Variants in LRRC66 observed in about 807,000 individuals in gnomAD.
LRRC66 encodes the protein leucine-rich repeat-containing protein 66.
LRRC66 carries 29 observed loss-of-function variants against 24.6 expected under a neutral mutation model. The ratio of observed to expected loss-of-function variants is 1.18; its 90% CI spans 0.88 to 1.61. The LOEUF is 1.61. Ranked by LOEUF, LRRC66 falls within the 40% of genes most tolerant of loss-of-function variation. The pLI is 0.00. For synonymous variants in LRRC66, 411 were observed against 397.6 expected (o/e 1.03, Z -0.40); for missense variants, 1,124 against 1,058.0 (o/e 1.06, Z -0.87).
intron 2 of LRRC66, among the ~76,000 whole-genome samples, chr4:52,016,224 C>T (rs1330636707): frequency 1.3e-5 from 2 of 151,970 alleles, no homozygotes; most frequent in Non-Finnish European, 2.9e-5. Context: ...TAAAGCAAAG[C>T]TGGAGAAAGA....
At chr4:52,008,454 G>GTT (rs539733171) in intron 2 of LRRC66, among the ~76,000 whole-genome samples, 1 of 144,456 alleles carries the variant, frequency 6.9e-6, no homozygotes, top group East Asian at 2.0e-4. Context: ...GGGGAAAGCT[G>GTT]TTTTTTTTTT....
At position 52,017,250 on chromosome 4, in the gene LRRC66, G is replaced by A. The variant is rs868418571; in HGVS notation, c.364C>T (p.His122Tyr). The change falls in exon 2 of 5, where the codon CAC becomes TAC. Residue 122 changes from histidine (H) to tyrosine (Y), a missense_variant. His to Tyr is a moderately conservative substitution (Grantham distance 83). Transcript: ENST00000682860. ...EVLNLSNNAI[H>Y]SLSLDLLSPK... is the part of the protein sequence containing the mutation. ...CTGAGTAGATCCAATGAGAGGGAGT[G>A]GATGGCATTGTTGCTGAGGTTTAAC... 2.5e-6 allele frequency: 4 copies of A among 1,614,108 alleles called. No individual in the cohort carries two copies. The Middle Eastern group carries it at 4.9e-4, about 200-fold the overall frequency.
At chr4:52,005,833 C>G (rs1447836460) in intron 2 of LRRC66, among the ~76,000 whole-genome samples, 1 of 152,174 alleles carries the variant, frequency 6.6e-6, no homozygotes, top group Admixed American at 6.5e-5. Flanking sequence ...AGCACTACAG[C>G]CAGGAGGCAT....
Position 51,997,885 on chromosome 4 carries a change from A to G in LRRC66, c.719T>C (p.Ile240Thr), listed in dbSNP as rs765119248. ...CACTAGATGGGGAAATTCTAGAGCTATGATCATCATTGGTAGGATGGTAAT... is the reference window on the plus strand; with the variant it reads ...CACTAGATGGGGAAATTCTAGAGCTGTGATCATCATTGGTAGGATGGTAAT... ...ALITILPMMI[I>T]ALEFPHLVVD... Residue 240 changes from isoleucine (I) to threonine (T), a missense_variant, in exon 4 of 5, where the codon ATA (isoleucine) becomes ACA (threonine). Coordinates refer to ENST00000682860, the MANE Select transcript of LRRC66 (RefSeq NM_001024611.3). 1 of 1,614,122 alleles carries G rather than the reference A, an allele frequency of 6.2e-7. No individual in the cohort carries two copies. The highest frequency in any genetic ancestry group is 8.5e-7 in the Non-Finnish European group (1 of 1,179,984).
Position 51,995,114 on chromosome 4 carries a change from C to T in LRRC66, c.1908G>A (p.Gln636=), listed in dbSNP as rs1476579171. 4.3e-6 allele frequency: 7 copies of T among 1,614,120 alleles called. No individual in the cohort carries two copies. Among genetic ancestry groups the T allele is most frequent in the Non-Finnish European group, 5.9e-6 (7 of 1,180,034 alleles). ...CCCTTGCCCCGGACAGCCTTGGCTG[C>T]TGTATGCTCAGCAAATCAATGGATG... is the stretch of plus-strand genomic sequence containing the variant. ...VSSSIDLLSI[Q]QPRLSGARAE... is the part of the protein sequence containing the mutation. Residue 636 remains glutamine (Q), a synonymous_variant, in exon 5 of 5, where the codon CAG becomes CAA. Coordinates refer to ENST00000682860, the MANE Select transcript of LRRC66 (RefSeq NM_001024611.3).
chr4:51,996,314 A>G, intron 4 of LRRC66, 149 bp from the exon 5 acceptor site: 4 of 721,846 alleles, frequency 5.5e-6, no homozygotes, highest in Middle Eastern at 4.0e-4. Context: ...TGGCACAATC[A>G]TAACTCACTG....
intron 4 of LRRC66, among the ~76,000 whole-genome samples, chr4:51,996,746 C>G (rs966672387): frequency 4.6e-5 from 7 of 152,148 alleles, no homozygotes; most frequent in Non-Finnish European, 8.8e-5. Context: ...GTCTGTTGCT[C>G]AGAGGTCCTG....
intron 4 of LRRC66, among the ~76,000 whole-genome samples, chr4:51,996,632 C>T (rs1340556113): frequency 1.3e-5 from 2 of 152,192 alleles, no homozygotes; most frequent in Non-Finnish European, 2.9e-5. Flanking sequence ...GGGTACATTA[C>T]ATGATGATAA....
At chr4:52,006,658 A>G (rs1254056028) in intron 2 of LRRC66, among the ~76,000 whole-genome samples, 4 of 148,474 alleles carry the variant, frequency 2.7e-5, no homozygotes, top group African/African-American at 4.9e-5. Context: ...ATATGTAACT[A>G]ACCTGCACAT....
At chr4:52,002,673 G>T (rs1489214317) in intron 3 of LRRC66, among the ~76,000 whole-genome samples, 1 of 152,268 alleles carries the variant, frequency 6.6e-6, no homozygotes, top group Admixed American at 6.5e-5. Flanking sequence ...AGAACTGCAT[G>T]TGGCACACAT....
chr4:52,013,176 T>C lies in LRRC66; in HGVS notation c.496+3942A>G, dbSNP rs747259342. ...AATTAGTTTTGAGTACATTGCTTAT[T>C]GATAATTCCATAATCCAGTAGCAAT... On this transcript the variant is annotated intron_variant, in intron 2 of 4. Coordinates refer to ENST00000682860, the MANE Select transcript of LRRC66 (RefSeq NM_001024611.3). Among the ~76,000 whole-genome samples the C allele has an allele frequency of 3.3e-5, 5 of 152,362 alleles. No homozygotes were observed. In the South Asian group the frequency reaches 6.2e-4, roughly 19 times the overall value.
At chr4:51,996,484 T>G (rs1308936050) in intron 4 of LRRC66, among the ~76,000 whole-genome samples, 2 of 151,984 alleles carry the variant, frequency 1.3e-5, no homozygotes, top group African/African-American at 4.8e-5. Flanking sequence ...CTCAAACTCT[T>G]GGCATCAAGC....
chr4:52,017,085 A>C, intron 2 of LRRC66, 33 bp downstream of exon 2: 1 of 1,567,028 alleles, frequency 6.4e-7, no homozygotes. Context: ...CCACGTAAGC[A>C]TTGTTTCTCT....
At position 51,994,962 on chromosome 4, in the gene LRRC66, A is replaced by G; in HGVS notation, c.2060T>C (p.Val687Ala). The G allele has an allele frequency of 6.2e-7, 1 of 1,614,146 alleles. No homozygotes were observed. The change falls in exon 5 of 5, where the codon GTG becomes GCG. Residue 687 changes from valine to alanine, a missense_variant. Transcript: ENST00000682860. ...AGTGTCAGAAGGAGTGGATTTCTGCACTGGTTCCTTGTTAGCAGGAGTGAC... is the reference window on the plus strand; with the variant it reads ...AGTGTCAGAAGGAGTGGATTTCTGCGCTGGTTCCTTGTTAGCAGGAGTGAC... ...LDVTPANKEP[V>A]QKSTPSDTCC...
chr4:52,003,498 G>A (rs1736502413), intron 2 of LRRC66, 106 bp from the exon 3 acceptor site: 2 of 914,442 alleles, frequency 2.2e-6, no homozygotes, highest in Non-Finnish European at 3.4e-6. Context: ...CTCAATTGAG[G>A]TATTGTTAAA....
chr4:51,994,576 C>T lies in LRRC66; in HGVS notation c.2446G>A (p.Asp816Asn). 6.2e-7 allele frequency: 1 copy of T among 1,614,188 alleles called. No homozygotes were observed. The highest frequency in any genetic ancestry group is 8.5e-7 in the Non-Finnish European group (1 of 1,180,032). ...TAAGTGAACATGCCCGGAAACTCAT[C>T]CCCTAAGGGACTATTCCCTGGTGAC... ...PRSPGNSPLG[D>N]EFPGMFTYDY... Residue 816 changes from aspartate to asparagine, a missense_variant, in exon 5 of 5, where the codon GAT becomes AAT. Coordinates refer to ENST00000682860, the MANE Select transcript of LRRC66 (RefSeq NM_001024611.3).
At chr4:52,002,892 G>A (rs1377597945) in intron 3 of LRRC66, among the ~76,000 whole-genome samples, 1 of 152,204 alleles carries the variant, frequency 6.6e-6, no homozygotes, top group Non-Finnish European at 1.5e-5. Flanking sequence ...GTAGCTTAGG[G>A]AGACAGCCTC....
In LRRC66 at chr4:52,003,287, CAG is replaced by C. The variant is rs774878366; in HGVS notation, c.600_601del (p.Cys201PhefsTer26). 17 of 1,613,810 alleles carry C rather than the reference CAG, an allele frequency of 1.1e-5. No individual in the cohort carries two copies. The highest frequency in any genetic ancestry group is 3.3e-5 in the Admixed American group (2 of 59,986). On this transcript the variant is annotated frameshift_variant, in exon 3 of 5. Coordinates refer to ENST00000682860, the MANE Select transcript of LRRC66 (RefSeq NM_001024611.3). LOFTEE classifies it high-confidence loss of function. Reference sequence around the variant, plus strand: ...TTTGAATATCTTGTTGCTCTTTAAACAGAGATTCTCCAGTTGCAGGCAGTTGT... The same window carrying C: ...TTTGAATATCTTGTTGCTCTTTAAACAGATTCTCCAGTTGCAGGCAGTTGT...
Position 51,995,279 on chromosome 4 carries a change from G to T in LRRC66, c.1743C>A (p.Ser581=). 4 of 1,614,186 alleles carry T rather than the reference G, an allele frequency of 2.5e-6. No individual in the cohort carries two copies. Among genetic ancestry groups the T allele is most frequent in the Non-Finnish European group, 2.5e-6 (3 of 1,180,042 alleles). Residue 581 remains serine, a synonymous_variant, in exon 5 of 5, where the codon TCC becomes TCA. Coordinates refer to ENST00000682860, the MANE Select transcript of LRRC66 (RefSeq NM_001024611.3). ...YDSNELDPSL[S]GEITASLCKM... ...TACAGAGGGAAGCTGTTATTTCTCC[G>T]GAGAGGGAAGGGTCTAATTCATTGG...
Sources: allele counts gnomAD v4.1 joint callset (sites outside exome capture counted in the v4.1 genomes callset), GRCh38; gene constraint gnomAD v4.1.1; transcripts MANE v1.5; gene names NCBI Gene and HGNC (gene_info 2026-07-23, HGNC 2026-07-21).